H2BC12: variants seen among roughly 807,000 people sequenced by gnomAD.
H2BC12 encodes the protein histone H2B type 1-K.
H2BC12 carries 6 observed loss-of-function variants against 6.3 expected under a neutral mutation model. That is an observed-to-expected ratio of 0.95 (90% CI 0.52 to 1.87). The LOEUF (loss-of-function observed/expected upper bound fraction) is 1.87. Among genes scored for constraint, H2BC12 ranks in the 40% most tolerant of loss-of-function variants. The pLI is 0.01. For missense variants in H2BC12, 119 were observed against 178.4 expected (o/e 0.67, Z 1.90); for synonymous variants, 132 against 78.5 (o/e 1.68, Z -3.60).
chr6:27,138,708 A>G, the H2BC12 span: 7 of 152,206 alleles, frequency 4.6e-5, no homozygotes, highest in African/African-American at 7.2e-5. Context: ...GAAACAGGAC[A>G]AAGTTAGAGG....
chr6:27,144,459 C>CGGG (rs1760044447), downstream of H2BC12, among the ~76,000 whole-genome samples: 1 of 322 alleles, frequency 3.1e-3, no homozygotes, highest in African/African-American at 9.4e-3. Flanking sequence ...GAGACTCTGT[C>CGGG]TGGGGGGGGG....
At chr6:27,141,700 ATT>A (rs1760009123), downstream of H2BC12, among the ~76,000 whole-genome samples, 1 of 151,674 alleles carries the variant, frequency 6.6e-6, no homozygotes, top group South Asian at 2.1e-4. Context: ...AGTCGTTTTT[ATT>A]TTGTGTCTAT....
chr6:27,140,196 C>T, the H2BC12 span, among the ~76,000 whole-genome samples: 1 of 152,124 alleles, frequency 6.6e-6, no homozygotes, highest in Non-Finnish European at 1.5e-5. Flanking sequence ...TGGAATATAT[C>T]AAGTATACAA....
Position 27,146,661 on chromosome 6 carries a change from C to T in H2BC12, c.138G>A (p.Leu46=), listed in dbSNP as rs746133646. 3.1e-6 allele frequency: 5 copies of T among 1,614,160 alleles called. No homozygotes were observed. The highest frequency in any genetic ancestry group is 1.3e-5 in the African/African-American group (1 of 74,956). ...ESYSVYVYKV[L]KQVHPDTGIS... Reference sequence around the variant, plus strand: ...TGCCGGTGTCGGGGTGGACCTGCTTCAGCACCTTGTACACGTATACGGAGT... The same window carrying T: ...TGCCGGTGTCGGGGTGGACCTGCTTTAGCACCTTGTACACGTATACGGAGT... Residue 46 remains leucine, a synonymous_variant, in exon 1 of 1, where the codon CTG becomes CTA. Coordinates refer to ENST00000356950, the MANE Select transcript of H2BC12 (RefSeq NM_001312653.2).
the H2BC12 span, chr6:27,139,087 G>GA: frequency 8.5e-6 from 4 of 470,214 alleles, no homozygotes; most frequent in East Asian, 3.3e-5. Flanking sequence ...CATGTTAAAT[G>GA]AAAAAAGGAA....
In H2BC12 at chr6:27,146,815, G is replaced by A. The variant is rs768807909; in HGVS notation, c.-17C>T. On this transcript the variant is annotated 5_prime_UTR_variant, in exon 1 of 1. Coordinates refer to ENST00000356950, the MANE Select transcript of H2BC12 (RefSeq NM_001312653.2). ...TTCCGGCATGTTGAAGGCGAACTAC[G>A]AGCCTGAGACGAGCAGCAGATCGAG... The A allele has an allele frequency of 1.1e-5, 18 of 1,611,266 alleles. No individual in the cohort carries two copies. Among genetic ancestry groups the A allele is most frequent in the Non-Finnish European group, 1.4e-5 (16 of 1,178,708 alleles).
At chr6:27,139,834 C>G in the H2BC12 span, 2 of 709,864 alleles carry the variant, frequency 2.8e-6, no homozygotes, top group Non-Finnish European at 4.4e-6. Flanking sequence ...GCCAGAAGAG[C>G]CTCTGCTGGC....
Position 27,146,562 on chromosome 6 carries a change from G to C in H2BC12, c.237C>G (p.Ser79=). 6.2e-7 allele frequency: 1 copy of C among 1,614,238 alleles called. No homozygotes were observed. The highest frequency in any genetic ancestry group is 8.5e-7 in the Non-Finnish European group (1 of 1,180,046). ...DIFERIAGEA[S]RLAHYNKRST... is the part of the protein sequence containing the mutation. ...AGCGCTTGTTGTAATGCGCCAGGCG[G>C]GAAGCCTCACCCGCGATGCGTTCGA... Residue 79 remains serine (S), a synonymous_variant, in exon 1 of 1, where the codon TCC becomes TCG. Transcript: ENST00000356950.
rs754961439 is a variant in H2BC12 at position 27,146,498 on chromosome 6, G to A, written c.301C>T (p.Leu101=). 9 of 1,614,132 alleles carry A rather than the reference G, an allele frequency of 5.6e-6. No individual in the cohort carries two copies. Among genetic ancestry groups the A allele is most frequent in the Admixed American group, 5.0e-5 (3 of 60,008 alleles). ...TSREIQTAVR[L]LLPGELAKHA... ...TTGGCCAACTCCCCGGGCAGCAGCA[G>A]GCGCACGGCCGTCTGGATCTCCCTG... The change falls in exon 1 of 1, where the codon CTG becomes TTG. Residue 101 remains leucine, a synonymous_variant. Coordinates refer to ENST00000356950, the MANE Select transcript of H2BC12 (RefSeq NM_001312653.2).
At chr6:27,138,574 T>TA in the H2BC12 span, 1 of 152,216 alleles carries the variant, frequency 6.6e-6, no homozygotes, top group Admixed American at 6.5e-5. Context: ...ATGGTTGCAT[T>TA]CTCGTCTTCT....
At chr6:27,140,103 C>T in the H2BC12 span, among the ~76,000 whole-genome samples, 3 of 152,166 alleles carry the variant, frequency 2.0e-5, no homozygotes, top group East Asian at 5.8e-4. Context: ...GGGGACAGAC[C>T]ATGCTTTTAC....
chr6:27,146,773 G>C lies in H2BC12; in HGVS notation c.26C>G (p.Pro9Arg). 1.2e-6 allele frequency: 2 copies of C among 1,614,182 alleles called. No individual in the cohort carries two copies. The highest frequency in any genetic ancestry group is 1.1e-5 in the South Asian group (1 of 91,078). ...TTTCTTCGAGCCCTTCTTGGGCGCG[G>C]GAGCGGACTTCGCTGGTTCCGGCAT... MPEPAKSA[P>R]APKKGSKKAV... The change falls in exon 1 of 1, where the codon CCC (proline) becomes CGC (arginine). Residue 9 changes from proline (P) to arginine (R), a missense_variant. Around this residue, in one of 2 missense-constraint regions of H2BC12, gnomAD observed 50 missense variants for 37.4 expected, o/e 1.34. Coordinates refer to ENST00000356950, the MANE Select transcript of H2BC12 (RefSeq NM_001312653.2).
downstream of H2BC12, among the ~76,000 whole-genome samples, chr6:27,146,207 AAC>A (rs1760076198): frequency 6.6e-6 from 1 of 152,226 alleles, no homozygotes; most frequent in East Asian, 1.9e-4. Context: ...ACTCAGTACT[AAC>A]AAAGTGTATG....
the H2BC12 span, chr6:27,139,212 C>A: frequency 7.2e-7 from 1 of 1,394,314 alleles, no homozygotes; most frequent in East Asian, 2.4e-5. Flanking sequence ...GACTTCCCGC[C>A]AAAGCTCTTC....
downstream of H2BC12, among the ~76,000 whole-genome samples, chr6:27,145,605 T>G (rs1211200841): frequency 6.6e-6 from 1 of 152,224 alleles, no homozygotes; most frequent in Non-Finnish European, 1.5e-5. Flanking sequence ...CGGGGCGGAC[T>G]GTCTCTAGTC....
At chr6:27,143,326 T>C (rs941188956), downstream of H2BC12, among the ~76,000 whole-genome samples, 1 of 152,036 alleles carries the variant, frequency 6.6e-6, no homozygotes, top group Non-Finnish European at 1.5e-5. Context: ...CACTCCAGCC[T>C]TGGCGACAGA....
At chr6:27,141,212 A>G in the H2BC12 span, among the ~76,000 whole-genome samples, 1 of 152,320 alleles carries the variant, frequency 6.6e-6, no homozygotes, top group African/African-American at 2.4e-5. Context: ...AATGATTAAC[A>G]ATACCTAAAA....
At chr6:27,139,352 G>A in the H2BC12 span, 4 of 1,613,924 alleles carry the variant, frequency 2.5e-6, no homozygotes, top group East Asian at 2.2e-5. Flanking sequence ...GGGAAAGGGG[G>A]TGCCAAGCGC....
At position 27,146,371 on chromosome 6, in the gene H2BC12, T is replaced by C. The variant is rs1186390493; in HGVS notation, c.*47A>G. 3 of 1,611,922 alleles carry C rather than the reference T, an allele frequency of 1.9e-6. No individual in the cohort carries two copies. Among genetic ancestry groups the C allele is most frequent in the Non-Finnish European group, 8.5e-7 (1 of 1,179,336 alleles). The stretch of plus-strand genomic sequence containing the variant: ...CTAATATCGATAATTTAAGTGGCTC[T>C]TAAAAGAGCCTTTGGGGTTGGGCTT... On this transcript the variant is annotated 3_prime_UTR_variant, in exon 1 of 1. Coordinates refer to ENST00000356950, the MANE Select transcript of H2BC12 (RefSeq NM_001312653.2).
Sources: allele counts gnomAD v4.1 joint callset (sites outside exome capture counted in the v4.1 genomes callset), GRCh38; gene constraint gnomAD v4.1.1; regional missense constraint gnomAD v4.1.1; transcripts MANE v1.5; gene names NCBI Gene and HGNC (gene_info 2026-07-23, HGNC 2026-07-21).